MAGI2: variants seen among roughly 807,000 people sequenced by gnomAD.
MAGI2 encodes the protein membrane-associated guanylate kinase, WW and PDZ domain-containing protein 2.
A neutral mutation model predicts 133.3 loss-of-function variants in MAGI2; 35 were observed. The observed-to-expected ratio is 0.26, with a 90% CI of 0.20 to 0.35. The LOEUF is 0.35. MAGI2 is among the 10% of genes least tolerant of loss of function. MAGI2 has a pLI of 1.00. For missense variants in MAGI2, 1,636 were observed against 1,863.4 expected (o/e 0.88, Z 2.25); for synonymous variants, 729 against 710.6 (o/e 1.03, Z -0.41).
intron 2 of MAGI2, among the ~76,000 whole-genome samples, chr7:78,839,666 G>A (rs775216204): frequency 2.0e-5 from 3 of 152,004 alleles, no homozygotes; most frequent in Non-Finnish European, 2.9e-5. Flanking sequence ...ATCAGATCTC[G>A]TGAGAACTCA....
chr7:78,504,589 T>C (rs1344902014), intron 4 of MAGI2, among the ~76,000 whole-genome samples: 1 of 152,260 alleles, frequency 6.6e-6, no homozygotes, highest in Non-Finnish European at 1.5e-5. Context: ...CTTGGAAATA[T>C]AAAATTCTAC....
At chr7:78,119,180 A>T (rs1820169210) in intron 20 of MAGI2, among the ~76,000 whole-genome samples, 1 of 152,192 alleles carries the variant, frequency 6.6e-6, no homozygotes. Context: ...ATAGTGGAAC[A>T]CGGAGAATTT....
At chr7:78,659,032 T>G (rs912781544) in intron 2 of MAGI2, among the ~76,000 whole-genome samples, 1 of 152,170 alleles carries the variant, frequency 6.6e-6, no homozygotes, top group South Asian at 2.1e-4. Flanking sequence ...GCACCTTTAT[T>G]TGTAATAACC....
intron 2 of MAGI2, among the ~76,000 whole-genome samples, chr7:78,781,536 A>G (rs1008572055): frequency 1.3e-5 from 2 of 152,154 alleles, no homozygotes; most frequent in Admixed American, 1.3e-4. Context: ...AGATGCTTAA[A>G]GCATCTATGC....
At chr7:78,875,486 C>T (rs868644028) in intron 2 of MAGI2, among the ~76,000 whole-genome samples, 6 of 152,138 alleles carry the variant, frequency 3.9e-5, no homozygotes, top group African/African-American at 9.7e-5. Flanking sequence ...ATAAAATTGG[C>T]GGCTTGACAT....
chr7:78,765,343 C>CTTTTTTTTTTT (rs10672746), intron 2 of MAGI2, among the ~76,000 whole-genome samples: 6 of 89,070 alleles, frequency 6.7e-5, no homozygotes, highest in African/African-American at 9.3e-5. Flanking sequence ...TAGTGCACAT[C>CTTTTTTTTTTT]TTTTTTTTTT....
intron 2 of MAGI2, among the ~76,000 whole-genome samples, chr7:78,930,699 T>C (rs1164286837): frequency 1.3e-5 from 2 of 152,262 alleles, no homozygotes; most frequent in East Asian, 3.9e-4. Flanking sequence ...CTAAATCAAA[T>C]GTCTTTCATG....
At chr7:79,159,862 T>C (rs1287905188) in intron 1 of MAGI2, among the ~76,000 whole-genome samples, 3 of 152,098 alleles carry the variant, frequency 2.0e-5, no homozygotes, top group South Asian at 2.1e-4. Context: ...AAAGTATCTT[T>C]TGGACATGTC....
intron 9 of MAGI2, among the ~76,000 whole-genome samples, chr7:78,296,754 C>T (rs1312103190): frequency 1.3e-5 from 2 of 152,154 alleles, no homozygotes; most frequent in Non-Finnish European, 2.9e-5. Context: ...GGGAAACTTA[C>T]TTATACTTGC....
intron 1 of MAGI2, among the ~76,000 whole-genome samples, chr7:79,330,408 G>T (rs1185438355): frequency 6.6e-6 from 1 of 151,562 alleles, no homozygotes; most frequent in Admixed American, 6.6e-5. Context: ...TTTTAGCCAG[G>T]ATGGTCTTGA....
chr7:78,089,391 A>C (rs1816963160), intron 20 of MAGI2, among the ~76,000 whole-genome samples: 1 of 152,184 alleles, frequency 6.6e-6, no homozygotes, highest in South Asian at 2.1e-4. Context: ...AGGTAGAATA[A>C]AGGAAGAACA....
chr7:78,541,928 A>G (rs1279621878), intron 3 of MAGI2, among the ~76,000 whole-genome samples: 3 of 152,200 alleles, frequency 2.0e-5, no homozygotes, highest in Non-Finnish European at 4.4e-5. Flanking sequence ...TAACTTGTCT[A>G]TGTTAGGAAT....
At chr7:78,213,523 C>T (rs1787972527) in intron 10 of MAGI2, among the ~76,000 whole-genome samples, 2 of 152,174 alleles carry the variant, frequency 1.3e-5, no homozygotes, top group African/African-American at 4.8e-5. Context: ...CCTAAAGCTG[C>T]CTCCTTACCT....
intron 9 of MAGI2, among the ~76,000 whole-genome samples, chr7:78,295,868 T>C (rs544064040): frequency 6.6e-6 from 1 of 152,234 alleles, no homozygotes; most frequent in South Asian, 2.1e-4. Context: ...GTCTTTCCCA[T>C]CTCAGAAATT....
intron 1 of MAGI2, among the ~76,000 whole-genome samples, chr7:79,025,716 C>A (rs914823434): frequency 7.9e-5 from 12 of 152,124 alleles, no homozygotes; most frequent in Admixed American, 4.6e-4. Flanking sequence ...CACTGAAAGA[C>A]AAGGTCCTGA....
intron 21 of MAGI2, among the ~76,000 whole-genome samples, chr7:78,070,682 C>T (rs1814590259): frequency 6.7e-6 from 1 of 149,278 alleles, no homozygotes; most frequent in African/African-American, 2.5e-5. Context: ...CACTCTGTCA[C>T]CCAGGCTGGA....
chr7:79,450,150 C>T (rs1376740797), intron 1 of MAGI2, among the ~76,000 whole-genome samples: 1 of 151,766 alleles, frequency 6.6e-6, no homozygotes, highest in African/African-American at 2.4e-5. Flanking sequence ...AATGAATATT[C>T]AAAAATCAGT....
intron 21 of MAGI2, among the ~76,000 whole-genome samples, chr7:78,074,058 C>A (rs1048187018): frequency 1.3e-5 from 2 of 152,146 alleles, no homozygotes; most frequent in Admixed American, 1.3e-4. Context: ...TCCTTCAAAG[C>A]CCTTATCATT....
chr7:79,292,476 T>G (rs1452471797), intron 1 of MAGI2, among the ~76,000 whole-genome samples: 1 of 150,648 alleles, frequency 6.6e-6, no homozygotes, highest in Admixed American at 6.6e-5. Flanking sequence ...AATAAAAAAA[T>G]AAAAAATTAG....
Sources: gnomAD v4.1 joint callset for allele counts (sites outside exome capture counted in the v4.1 genomes callset) on GRCh38, gnomAD v4.1.1 for gene constraint, MANE v1.5 for transcripts, NCBI Gene and HGNC (gene_info 2026-07-23, HGNC 2026-07-21) for gene names.